GABRB1: variants seen among roughly 807,000 people sequenced by gnomAD.
GABRB1 encodes gamma-aminobutyric acid receptor subunit beta-1.
GABRB1 carries 17 observed loss-of-function variants against 51.6 expected under a neutral mutation model. That is an observed-to-expected ratio of 0.33 (90% CI 0.23 to 0.49). The LOEUF is 0.49. Ranked by LOEUF, GABRB1 falls within the 20% of genes least tolerant of loss-of-function variation. GABRB1 has a pLI of 0.99. For missense variants in GABRB1, 410 were observed against 600.6 expected (o/e 0.68, Z 3.32); for synonymous variants, 247 against 218.9 (o/e 1.13, Z -1.14).
chr4:47,357,680 G>C (rs1371239520), intron 5 of GABRB1, among the ~76,000 whole-genome samples: 1 of 152,170 alleles, frequency 6.6e-6, no homozygotes, highest in Non-Finnish European at 1.5e-5. Flanking sequence ...CTGGTACCCA[G>C]ACTCAACAGT....
intron 3 of GABRB1, among the ~76,000 whole-genome samples, chr4:47,131,124 A>G (rs748342001): frequency 4.6e-5 from 7 of 152,226 alleles, no homozygotes; most frequent in Non-Finnish European, 8.8e-5. Context: ...TGAAGAGGCC[A>G]TTCTATGAAT....
At chr4:47,209,178 T>C (rs1720253911) in intron 4 of GABRB1, among the ~76,000 whole-genome samples, 1 of 152,126 alleles carries the variant, frequency 6.6e-6, no homozygotes, top group Admixed American at 6.6e-5. Context: ...AAGATAGCAA[T>C]GCTCAAATTT....
intron 5 of GABRB1, among the ~76,000 whole-genome samples, chr4:47,325,584 T>C (rs1188560816): frequency 6.6e-6 from 1 of 152,210 alleles, no homozygotes; most frequent in African/African-American, 2.4e-5. Flanking sequence ...TCTTGCTTAC[T>C]GTATACATTA....
chr4:47,053,578 A>AT (rs1373703578), intron 3 of GABRB1, among the ~76,000 whole-genome samples: 1 of 152,242 alleles, frequency 6.6e-6, no homozygotes, highest in Non-Finnish European at 1.5e-5. Flanking sequence ...TTGAGAGAAC[A>AT]TAAACATTCA....
chr4:47,241,242 T>C (rs1311295828), intron 4 of GABRB1, among the ~76,000 whole-genome samples: 1 of 151,782 alleles, frequency 6.6e-6, no homozygotes, highest in Non-Finnish European at 1.5e-5. Flanking sequence ...ATTACAATTT[T>C]CTTTTTTTTC....
chr4:47,026,587 T>G (rs1449025326), upstream of GABRB1, among the ~76,000 whole-genome samples: 1 of 151,992 alleles, frequency 6.6e-6, no homozygotes, highest in Non-Finnish European at 1.5e-5. Context: ...CTCTGTGACT[T>G]TTCCTGACCC....
chr4:47,246,251 C>T (rs1578030675), intron 4 of GABRB1, among the ~76,000 whole-genome samples: 1 of 131,622 alleles, frequency 7.6e-6, no homozygotes, highest in Admixed American at 8.1e-5. Flanking sequence ...TAATTCATTC[C>T]TTCTCAGGGC....
chr4:47,133,310 T>G (rs1451775369), intron 3 of GABRB1, among the ~76,000 whole-genome samples: 1 of 152,186 alleles, frequency 6.6e-6, no homozygotes, highest in Non-Finnish European at 1.5e-5. Context: ...ATTACAATAT[T>G]TAAAATATCT....
chr4:47,019,160 T>C (rs1380549595), intron 1 of GABRB1, among the ~76,000 whole-genome samples: 1 of 152,120 alleles, frequency 6.6e-6, no homozygotes, highest in Non-Finnish European at 1.5e-5. Flanking sequence ...TAATGGTAAC[T>C]TCCTTATGGC....
At chr4:47,406,646 G>A (rs1728579192) in intron 7 of GABRB1, 36 bp from the exon 8 acceptor site, 13 of 1,612,084 alleles carry the variant, frequency 8.1e-6, no homozygotes, top group Non-Finnish European at 1.1e-5. Flanking sequence ...CTTAATAGTG[G>A]CACCTTCAGC....
chr4:47,008,318 G>A (rs1724471839), intron 1 of GABRB1, among the ~76,000 whole-genome samples: 1 of 152,048 alleles, frequency 6.6e-6, no homozygotes, highest in African/African-American at 2.4e-5. Flanking sequence ...CATTTGAAAT[G>A]ATAAATGGTA....
intron 1 of GABRB1, among the ~76,000 whole-genome samples, chr4:47,012,502 T>G (rs1724612154): frequency 6.6e-6 from 1 of 152,172 alleles, no homozygotes; most frequent in African/African-American, 2.4e-5. Context: ...TCCAGCTCCA[T>G]CCATTTCCCT....
In GABRB1 at chr4:47,356,625, G is replaced by A. The variant is rs1220311541; in HGVS notation, c.544+36416G>A. ...CTTCTGCTGCCTGTGTGATGGAGAT[G>A]CTAGTTTGACATGGCAGAGAAAAGT... is the stretch of plus-strand genomic sequence containing the variant. On this transcript the variant is annotated intron_variant, in intron 5 of 8. Transcript: ENST00000295454. 3.9e-5 allele frequency among the ~76,000 whole-genome samples: 6 copies of A among 152,164 alleles called. No homozygotes were observed. In the East Asian group the frequency reaches 1.2e-3, roughly 29 times the overall value.
intron 4 of GABRB1, among the ~76,000 whole-genome samples, chr4:47,243,458 A>C (rs2109851951): frequency 6.6e-6 from 1 of 152,280 alleles, no homozygotes; most frequent in African/African-American, 2.4e-5. Context: ...ATGGCATTGA[A>C]TCTATAAATT....
chr4:47,399,878 G>C lies in GABRB1; in HGVS notation c.545-3440G>C, dbSNP rs116905676. Among the ~76,000 whole-genome samples, 136 of 152,284 alleles carry C rather than the reference G, an allele frequency of 8.9e-4. 5 individuals are homozygous for C. In the East Asian group the frequency reaches 0.021, roughly 24 times the overall value. On this transcript the variant is annotated intron_variant, in intron 5 of 8. Coordinates refer to ENST00000295454, the MANE Select transcript of GABRB1 (RefSeq NM_000812.4). ...GCACTTTCTGTCTGGAAGATTGTAA[G>C]ACTATTATTACACCCTTGGAGTTTA...
chr4:47,333,268 A>G (rs1725569174), intron 5 of GABRB1, among the ~76,000 whole-genome samples: 1 of 147,340 alleles, frequency 6.8e-6, no homozygotes, highest in African/African-American at 2.5e-5. Flanking sequence ...TGTGACCAAT[A>G]AACATTAATT....
intron 4 of GABRB1, among the ~76,000 whole-genome samples, chr4:47,268,035 T>A (rs928231801): frequency 3.3e-5 from 5 of 152,118 alleles, no homozygotes; most frequent in Admixed American, 3.3e-4. Flanking sequence ...GGGAAAAGAA[T>A]GGCACTTGAC....
chr4:47,090,804 C>T (rs781700514), intron 3 of GABRB1, among the ~76,000 whole-genome samples: 4 of 151,740 alleles, frequency 2.6e-5, no homozygotes, highest in Non-Finnish European at 5.9e-5. Flanking sequence ...AAATGCTATG[C>T]AATTTGAGGC....
Position 47,287,837 on chromosome 4 carries a change from G to A in GABRB1, c.462-32290G>A, listed in dbSNP as rs1363751453. Among the ~76,000 whole-genome samples the A allele has an allele frequency of 2.6e-5, 4 of 152,280 alleles. No homozygotes were observed. The East Asian group carries it at 7.7e-4, about 29-fold the overall frequency. The stretch of plus-strand genomic sequence containing the variant: ...CCTATATGACAAGAAACTGAGAGAG[G>A]TCTCCAACTGCCAGCAAGATACTGA... On this transcript the variant is annotated intron_variant, in intron 4 of 8. Coordinates refer to ENST00000295454, the MANE Select transcript of GABRB1 (RefSeq NM_000812.4).
Sources: gnomAD v4.1 joint callset for allele counts (sites outside exome capture counted in the v4.1 genomes callset) on GRCh38, gnomAD v4.1.1 for gene constraint, MANE v1.5 for transcripts, NCBI Gene and HGNC (gene_info 2026-07-23, HGNC 2026-07-21) for gene names.